Variants in MRPL13 observed in about 807,000 individuals in gnomAD.
The protein encoded by MRPL13 is large ribosomal subunit protein uL13m.
Under a neutral mutation model 29.0 loss-of-function variants are expected in MRPL13, and 33 were observed. The observed-to-expected ratio is 1.14, with a 90% CI of 0.86 to 1.52. MRPL13 has a LOEUF of 1.52. MRPL13 is among the 40% of genes most tolerant of loss of function. The probability of loss-of-function intolerance (pLI) is 0.00; values close to 1 mark genes in which losing one functional copy is unlikely to be tolerated. For missense variants in MRPL13, 227 were observed against 216.7 expected (o/e 1.05, Z -0.30); for synonymous variants, 77 against 68.4 (o/e 1.13, Z -0.62).
chr8:120,414,138 A>T (rs1304316286), intron 5 of MRPL13, 26 bp from the exon 6 acceptor site: 3 of 1,443,190 alleles, frequency 2.1e-6, no homozygotes, highest in Non-Finnish European at 1.8e-6. Context: ...ATTTAGACTT[A>T]ATTTTCTTAA....
intron 2 of MRPL13, among the ~76,000 whole-genome samples, chr8:120,436,918 T>A (rs1428134409): frequency 6.6e-6 from 1 of 152,202 alleles, no homozygotes; most frequent in Non-Finnish European, 1.5e-5. Flanking sequence ...ATTTTTGGCA[T>A]CCCTGAACTT....
At chr8:120,415,346 A>G (rs1812791229) in intron 5 of MRPL13, 6 of 152,190 alleles carry the variant, frequency 3.9e-5, no homozygotes, top group Admixed American at 3.9e-4. Context: ...CACACAGTAA[A>G]TTACAGCTCT....
In MRPL13 at chr8:120,444,900, A is replaced by G. The variant is rs1028550308; in HGVS notation, c.27+168T>C. The G allele has an allele frequency of 2.6e-5, 17 of 643,280 alleles. No homozygotes were observed. In the African/African-American group the frequency reaches 3.0e-4, roughly 11 times the overall value. 39.8% of individuals were successfully genotyped at this position (643,280 alleles called of 1,614,324 possible). Reference sequence around the variant, plus strand: ...AGGGGACGAGTAACAGACGAACGACATTAAGTGCTTGCCAGACTGACGACC... The same window carrying G: ...AGGGGACGAGTAACAGACGAACGACGTTAAGTGCTTGCCAGACTGACGACC... On this transcript the variant is annotated intron_variant, in intron 1 of 6. Transcript: ENST00000306185.
At chr8:120,410,200 C>T (rs1812724969) in intron 6 of MRPL13, among the ~76,000 whole-genome samples, 1 of 152,158 alleles carries the variant, frequency 6.6e-6, no homozygotes, top group African/African-American at 2.4e-5. Flanking sequence ...GCAGCAAACA[C>T]CAGAGCAAGC....
rs561253636 is a variant in MRPL13 at position 120,413,619 on chromosome 8, A to G, written c.515+372T>C. 3.3e-5 allele frequency among the ~76,000 whole-genome samples: 5 copies of G among 152,338 alleles called. No homozygotes were observed. In the East Asian group the frequency reaches 9.6e-4, roughly 29 times the overall value. The stretch of plus-strand genomic sequence containing the variant: ...TTTTGGACCAAGACAACAAGTATCC[A>G]AAATTAATGACTTTTCATTAGATAA... On this transcript the variant is annotated intron_variant, in intron 6 of 6. Coordinates refer to ENST00000306185, the MANE Select transcript of MRPL13 (RefSeq NM_014078.6).
At chr8:120,410,609 C>A (rs763430048) in intron 6 of MRPL13, among the ~76,000 whole-genome samples, 58 of 152,126 alleles carry the variant, frequency 3.8e-4, no homozygotes, top group Non-Finnish European at 7.6e-4. Flanking sequence ...TAATTTTATT[C>A]ACTAACACGT....
At chr8:120,420,369 G>T (rs562576598) in intron 4 of MRPL13, among the ~76,000 whole-genome samples, 2 of 150,130 alleles carry the variant, frequency 1.3e-5, no homozygotes, top group South Asian at 4.2e-4. Flanking sequence ...AAAGCTAATG[G>T]GTTACCATAT....
In MRPL13 at chr8:120,426,978, T is replaced by TTCAA. The variant is rs1812937590; in HGVS notation, c.246-1616_246-1613dup. Among the ~76,000 whole-genome samples, 2 of 152,014 alleles carry TTCAA rather than the reference T, an allele frequency of 1.3e-5. 1 individual carries two copies. The highest frequency in any genetic ancestry group is 4.1e-4 in the South Asian group (2 of 4,826). On this transcript the variant is annotated intron_variant, in intron 3 of 6. Coordinates refer to ENST00000306185, the MANE Select transcript of MRPL13 (RefSeq NM_014078.6). ...AAGTTCAAGGTGCACACACACCCAA[T>TTCAA]TCAACCAACCCCTAAAAAATTAGAA...
chr8:120,435,176 T>G (rs1430413830), intron 2 of MRPL13, among the ~76,000 whole-genome samples: 1 of 152,156 alleles, frequency 6.6e-6, no homozygotes, highest in Admixed American at 6.6e-5. Context: ...TTCTTGATGT[T>G]GGGAATACAG....
chr8:120,432,443 C>T (rs777988389), intron 2 of MRPL13, among the ~76,000 whole-genome samples: 5 of 152,006 alleles, frequency 3.3e-5, no homozygotes, highest in Non-Finnish European at 7.4e-5. Context: ...TTAATAATTA[C>T]ACTTCAGTAA....
intron 6 of MRPL13, among the ~76,000 whole-genome samples, chr8:120,407,600 C>T (rs1255316735): frequency 6.6e-6 from 1 of 151,722 alleles, no homozygotes; most frequent in East Asian, 1.9e-4. Flanking sequence ...GAGCCGAGAT[C>T]GCGCCATTTC....
intron 3 of MRPL13, among the ~76,000 whole-genome samples, chr8:120,431,768 A>G (rs1440060442): frequency 1.3e-5 from 2 of 152,172 alleles, no homozygotes; most frequent in African/African-American, 4.8e-5. Flanking sequence ...ACAAAGTAAA[A>G]GAGTGACTAA....
At chr8:120,429,477 A>G (rs1328581942) in intron 3 of MRPL13, among the ~76,000 whole-genome samples, 1 of 151,954 alleles carries the variant, frequency 6.6e-6, no homozygotes, top group African/African-American at 2.4e-5. Flanking sequence ...CTGCACATGT[A>G]ACTGAACTTA....
intron 6 of MRPL13, among the ~76,000 whole-genome samples, chr8:120,398,991 T>C (rs912563785): frequency 6.6e-6 from 1 of 150,834 alleles, no homozygotes; most frequent in African/African-American, 2.4e-5. Flanking sequence ...CCAAGAAATA[T>C]GGGACTATGT....
intron 5 of MRPL13, among the ~76,000 whole-genome samples, chr8:120,418,509 C>G (rs1812831931): frequency 6.6e-6 from 1 of 151,982 alleles, no homozygotes; most frequent in African/African-American, 2.4e-5. Flanking sequence ...CCTGTTTCCC[C>G]CATCGGCTTG....
chr8:120,396,335 A>C (rs372503238), intron 6 of MRPL13, among the ~76,000 whole-genome samples: 12 of 152,156 alleles, frequency 7.9e-5, no homozygotes, highest in African/African-American at 2.7e-4. Context: ...GTCTTTTTGA[A>C]AGTATAAATA....
chr8:120,408,715 T>C (rs1812707554), intron 6 of MRPL13, among the ~76,000 whole-genome samples: 1 of 152,212 alleles, frequency 6.6e-6, no homozygotes, highest in South Asian at 2.1e-4. Flanking sequence ...CCTTCTACAT[T>C]GTCTTTAAGT....
chr8:120,414,055 T>A lies in MRPL13; in HGVS notation c.451A>T (p.Ile151Leu). 1 of 1,602,240 alleles carries A rather than the reference T, an allele frequency of 6.2e-7. No individual in the cohort carries two copies. The highest frequency in any genetic ancestry group is 1.1e-5 in the South Asian group (1 of 87,632). ...GTGTACTCATCTAGACGTTTAGGTA[T>A]TTTTCGTGGTTGAGGAAGCTCCTCT... ...LVEELPQPRK[I>L]PKRLDEYTQE... The change falls in exon 6 of 7, where the codon ATA (isoleucine) becomes TTA (leucine). Residue 151 changes from isoleucine to leucine, a missense_variant. By Grantham distance (5) the Ile-to-Leu change is conservative (BLOSUM62 2). Transcript: ENST00000306185.
chr8:120,427,337 C>G (rs1812941416), intron 3 of MRPL13, among the ~76,000 whole-genome samples: 1 of 152,074 alleles, frequency 6.6e-6, no homozygotes. Flanking sequence ...GATTAGAAAA[C>G]TCATGATTGA....
Sources: allele counts gnomAD v4.1 joint callset (sites outside exome capture counted in the v4.1 genomes callset), GRCh38; gene constraint gnomAD v4.1.1; transcripts MANE v1.5; gene names NCBI Gene and HGNC (gene_info 2026-07-23, HGNC 2026-07-21).